DOCK4: variants seen among roughly 807,000 people sequenced by gnomAD.
DOCK4 encodes the protein dedicator of cytokinesis 4.
Under a neutral mutation model 268.1 loss-of-function variants are expected in DOCK4, and 97 were observed. The observed-to-expected ratio is 0.36, with a 90% CI of 0.31 to 0.43. DOCK4 has a LOEUF of 0.43. DOCK4 is among the 20% of genes least tolerant of loss of function. The pLI is 1.00. For missense variants in DOCK4, 2,145 were observed against 2,455.7 expected (o/e 0.87, Z 2.67); for synonymous variants, 954 against 887.2 (o/e 1.08, Z -1.34).
chr7:111,931,849 A>AT (rs1415186568), intron 12 of DOCK4, among the ~76,000 whole-genome samples: 1 of 152,154 alleles, frequency 6.6e-6, no homozygotes, highest in Non-Finnish European at 1.5e-5. Flanking sequence ...CTTTGCATAC[A>AT]TTTTTTCTTT....
chr7:112,193,598 T>TAAAAAA (rs564039337), intron 1 of DOCK4, among the ~76,000 whole-genome samples: 5 of 132,192 alleles, frequency 3.8e-5, no homozygotes, highest in Middle Eastern at 3.8e-3. Context: ...GACCATGCCT[T>TAAAAAA]AAAAAAAAAA....
At chr7:111,815,918 G>A (rs553002653) in intron 27 of DOCK4, among the ~76,000 whole-genome samples, 21 of 152,176 alleles carry the variant, frequency 1.4e-4, no homozygotes, top group Admixed American at 5.2e-4. Context: ...TGATCTGCCC[G>A]CCTCGGCCCC....
intron 6 of DOCK4, among the ~76,000 whole-genome samples, chr7:111,987,761 C>T (rs1799166748): frequency 6.6e-6 from 1 of 152,210 alleles, no homozygotes; most frequent in Non-Finnish European, 1.5e-5. Flanking sequence ...GAATTTGCTT[C>T]AGGTCCTAAG....
At chr7:112,083,628 A>G (rs1438019656) in intron 1 of DOCK4, among the ~76,000 whole-genome samples, 2 of 152,150 alleles carry the variant, frequency 1.3e-5, no homozygotes, top group African/African-American at 4.8e-5. Context: ...TTCACTCCCC[A>G]GAAGGCCTTA....
intron 1 of DOCK4, among the ~76,000 whole-genome samples, chr7:112,186,160 C>G (rs1271705147): frequency 1.3e-5 from 2 of 152,256 alleles, no homozygotes; most frequent in Non-Finnish European, 2.9e-5. Flanking sequence ...TCTGCACCAA[C>G]AACCACCTTG....
intron 1 of DOCK4, among the ~76,000 whole-genome samples, chr7:112,110,054 C>G (rs1279081728): frequency 2.6e-5 from 4 of 152,048 alleles, no homozygotes; most frequent in Non-Finnish European, 5.9e-5. Flanking sequence ...GTAAAATCAT[C>G]TTTGAACACA....
intron 39 of DOCK4, 128 bp from the exon 40 acceptor site, chr7:111,760,450 C>A: frequency 1.1e-6 from 1 of 927,336 alleles, no homozygotes; most frequent in Non-Finnish European, 1.6e-6. Flanking sequence ...AAAAATTACG[C>A]TGGAACAATC....
intron 27 of DOCK4, among the ~76,000 whole-genome samples, chr7:111,814,129 G>GT (rs1801357732): frequency 6.6e-6 from 1 of 152,110 alleles, no homozygotes; most frequent in African/African-American, 2.4e-5. Flanking sequence ...AGACTATCAC[G>GT]CCAAATGTCA....
At chr7:112,014,794 A>G (rs1378095442) in intron 1 of DOCK4, among the ~76,000 whole-genome samples, 1 of 152,202 alleles carries the variant, frequency 6.6e-6, no homozygotes, top group Non-Finnish European at 1.5e-5. Context: ...GGTCCTGGCT[A>G]TTCAAGAGGT....
intron 37 of DOCK4, 56 bp from the exon 38 acceptor site, chr7:111,767,174 AC>A: frequency 6.8e-7 from 1 of 1,465,310 alleles, no homozygotes; most frequent in Non-Finnish European, 9.5e-7. Context: ...ACTTACTTCT[AC>A]CCAAAAGTCA....
intron 1 of DOCK4, among the ~76,000 whole-genome samples, chr7:112,164,802 C>T (rs1393014059): frequency 6.6e-6 from 1 of 152,178 alleles, no homozygotes; most frequent in Non-Finnish European, 1.5e-5. Flanking sequence ...GATGAGGAAG[C>T]TAAGGCTTAA....
chr7:112,018,179 A>AAAAAAAC, intron 1 of DOCK4, among the ~76,000 whole-genome samples: 1 of 72,630 alleles, frequency 1.4e-5, no homozygotes, highest in South Asian at 4.4e-4. Context: ...AAAAAAAAAA[A>AAAAAAAC]ACACAGGCAA....
intron 35 of DOCK4, among the ~76,000 whole-genome samples, chr7:111,781,988 T>C (rs1202166986): frequency 6.6e-6 from 1 of 152,200 alleles, no homozygotes; most frequent in Non-Finnish European, 1.5e-5. Context: ...CGAGGATTCA[T>C]TTATTCTACA....
At chr7:112,181,770 A>G (rs1304743578) in intron 1 of DOCK4, among the ~76,000 whole-genome samples, 4 of 152,162 alleles carry the variant, frequency 2.6e-5, no homozygotes, top group Admixed American at 6.5e-5. Context: ...GCAGGATCAC[A>G]GGATTGAAAT....
At chr7:111,938,641 G>A (rs1014445716) in intron 11 of DOCK4, among the ~76,000 whole-genome samples, 2 of 152,174 alleles carry the variant, frequency 1.3e-5, no homozygotes, top group African/African-American at 4.8e-5. Flanking sequence ...TCAAGTAACT[G>A]TCTTAGTAGA....
At position 111,741,893 on chromosome 7, in the gene DOCK4, T is replaced by C; in HGVS notation, c.4797+120A>G. On this transcript the variant is annotated intron_variant, in intron 45 of 52. Transcript: ENST00000428084. ...GCAATTGTATTTGAGGGCTCCCTGG[T>C]AAAACAGTGCAGTTTGGTAGAAAAA... 7 of 1,377,806 alleles carry C rather than the reference T, an allele frequency of 5.1e-6. No homozygotes were observed. The Admixed American group carries it at 1.2e-4, about 23-fold the overall frequency. 85.3% of individuals were successfully genotyped at this position (1,377,806 alleles called of 1,614,324 possible).
chr7:112,180,683 C>A (rs1818947297), intron 1 of DOCK4, among the ~76,000 whole-genome samples: 1 of 152,116 alleles, frequency 6.6e-6, no homozygotes, highest in Non-Finnish European at 1.5e-5. Context: ...AGGCACTGTC[C>A]CGATGATGGC....
intron 7 of DOCK4, among the ~76,000 whole-genome samples, chr7:111,979,566 T>C (rs1798454347): frequency 1.3e-5 from 2 of 150,756 alleles, no homozygotes; most frequent in African/African-American, 4.9e-5. Flanking sequence ...CCATCCCCCC[T>C]CCACCCCGCC....
In DOCK4 at chr7:111,736,928, G is replaced by A. The variant is rs1325040678; in HGVS notation, c.5294C>T (p.Ala1765Val). Residue 1765 changes from alanine to valine, a missense_variant, in exon 50 of 53, where the codon GCA (alanine) becomes GTA (valine). Physicochemically the swap from Ala to Val is moderately conservative, Grantham distance 64. Coordinates refer to ENST00000428084, the MANE Select transcript of DOCK4 (RefSeq NM_001363540.2). ...GGGGCTGGCCTTACCTTTTTCAGGT[G>A]CAGAGAGATTTGGGTCACTGCGTGG... ...ALPRSDPNLS[A>V]PEKAVNPTPS... 1 of 1,602,012 alleles carries A rather than the reference G, an allele frequency of 6.2e-7. No homozygotes were observed. The highest frequency in any genetic ancestry group is 2.2e-5 in the East Asian group (1 of 44,664).
Sources: allele counts gnomAD v4.1 joint callset (sites outside exome capture counted in the v4.1 genomes callset), GRCh38; gene constraint gnomAD v4.1.1; transcripts MANE v1.5; gene names NCBI Gene and HGNC (gene_info 2026-07-23, HGNC 2026-07-21).